The following CEP128 variants were observed in gnomAD, a reference collection of about 807,000 sequenced individuals.
CEP128 encodes the protein centrosomal protein 128kDa.
In CEP128, 132 loss-of-function variants were observed where a neutral mutation model predicts 156.7. The observed-to-expected ratio is 0.84, with a 90% confidence interval of 0.73 to 0.97. The LOEUF is 0.97. CEP128 is among the 50% of genes least tolerant of loss of function. The pLI, the probability that CEP128 is intolerant of heterozygous loss-of-function variation, is 0.00. For missense variants in CEP128, 1,252 were observed against 1,281.9 expected, an observed-to-expected ratio of 0.98 and a Z score of 0.36; for synonymous variants, 469 against 448.9, an observed-to-expected ratio of 1.04 and a Z score of -0.57.
chr14:80,768,505 C>T (rs1900353927), intron 16 of CEP128, among the ~76,000 whole-genome samples: 1 of 152,208 alleles, frequency 6.6e-6, no homozygotes, highest in Non-Finnish European at 1.5e-5. Context: ...GATACACTGT[C>T]TTCCTTCTCC....
At chr14:80,509,944 T>A (rs1888167046) in intron 23 of CEP128, among the ~76,000 whole-genome samples, 1 of 152,122 alleles carries the variant, frequency 6.6e-6, no homozygotes, top group Non-Finnish European at 1.5e-5. Context: ...AATGTACAGA[T>A]TTTTTTCTGG....
chr14:80,649,237 A>C (rs900934842), intron 19 of CEP128, among the ~76,000 whole-genome samples: 2 of 152,078 alleles, frequency 1.3e-5, no homozygotes, highest in African/African-American at 4.8e-5. Flanking sequence ...CTCCAATTTT[A>C]TACCTTCGTC....
Position 80,593,265 on chromosome 14 carries a change from G to A in CEP128, c.2807-12842C>T, listed in dbSNP as rs147649275. 2.8e-3 allele frequency among the ~76,000 whole-genome samples: 421 copies of A among 152,014 alleles called. 3 individuals are homozygous for A. The highest frequency in any genetic ancestry group is 9.7e-3 in the African/African-American group (401 of 41,482). ...TTTATTTAAAAAAAACCCTGTTGTC[G>A]GCCGGGTGAGGTGGCTCACACCTGT... On this transcript the variant is annotated intron_variant, in intron 19 of 24. Transcript: ENST00000555265.
chr14:80,886,838 T>C (rs758755855), intron 8 of CEP128, among the ~76,000 whole-genome samples: 21 of 152,012 alleles, frequency 1.4e-4, no homozygotes, highest in South Asian at 2.1e-4. Flanking sequence ...GACTGGCAAA[T>C]TGGAAAAAGA....
At chr14:80,768,207 GTTAA>G (rs1900336992) in intron 16 of CEP128, among the ~76,000 whole-genome samples, 1 of 152,154 alleles carries the variant, frequency 6.6e-6, no homozygotes, top group Admixed American at 6.5e-5. Flanking sequence ...TGTTGCCACA[GTTAA>G]TTATTTAATT....
Position 80,862,286 on chromosome 14 carries a change from G to T in CEP128, c.762+471C>A, listed in dbSNP as rs550906412. ...GACAATCTATCAATGAATAGGAGTG[G>T]TTGTGCTCCAATAAAACTACTTACA... On this transcript the variant is annotated intron_variant, in intron 9 of 24. Coordinates refer to ENST00000555265, the MANE Select transcript of CEP128 (RefSeq NM_152446.5). Among the ~76,000 whole-genome samples the T allele has an allele frequency of 9.9e-5, 15 of 152,274 alleles. No homozygotes were observed. The South Asian group carries it at 3.1e-3, about 32-fold the overall frequency.
At chr14:80,876,572 G>A (rs1252563812) in intron 8 of CEP128, among the ~76,000 whole-genome samples, 1 of 150,086 alleles carries the variant, frequency 6.7e-6, no homozygotes, top group Non-Finnish European at 1.5e-5. Context: ...ACTCCAGCCT[G>A]GGTGTCAGAG....
At chr14:80,683,154 A>C (rs1896388926) in intron 19 of CEP128, among the ~76,000 whole-genome samples, 1 of 152,182 alleles carries the variant, frequency 6.6e-6, no homozygotes, top group Non-Finnish European at 1.5e-5. Flanking sequence ...AAGTGATCTA[A>C]ATGTCCAACT....
At chr14:80,492,596 A>G (rs1161840052), downstream of CEP128, among the ~76,000 whole-genome samples, 1 of 152,202 alleles carries the variant, frequency 6.6e-6, no homozygotes, top group Non-Finnish European at 1.5e-5. Flanking sequence ...TATCTCAAGG[A>G]CAAAGAGATG....
chr14:80,872,251 C>T (rs1275008077), intron 8 of CEP128, among the ~76,000 whole-genome samples: 2 of 152,046 alleles, frequency 1.3e-5, no homozygotes, highest in Admixed American at 6.6e-5. Context: ...TGGTATAAGG[C>T]CTATGCAATA....
intron 22 of CEP128, among the ~76,000 whole-genome samples, chr14:80,527,667 T>C (rs1889040359): frequency 1.3e-5 from 2 of 152,166 alleles, no homozygotes; most frequent in African/African-American, 4.8e-5. Context: ...CATTGGTACT[T>C]AGCATCAATA....
At chr14:80,545,200 T>C (rs1282758341) in intron 21 of CEP128, among the ~76,000 whole-genome samples, 1 of 152,186 alleles carries the variant, frequency 6.6e-6, no homozygotes, top group Non-Finnish European at 1.5e-5. Flanking sequence ...TCCAGTGCAG[T>C]GCCTATAAGA....
Position 80,640,621 on chromosome 14 carries a change from A to G in CEP128, c.2807-60198T>C, listed in dbSNP as rs73330543. ...CTTTTCTGGTTCTACTTCTTTTACC[A>G]TCCCCTTCAATGTGAATCCTCTCCA... On this transcript the variant is annotated intron_variant, in intron 19 of 24. Transcript: ENST00000555265. 5.3e-3 allele frequency among the ~76,000 whole-genome samples: 812 copies of G among 152,172 alleles called. 4 individuals are homozygous for G. The highest frequency in any genetic ancestry group is 0.018 in the African/African-American group (757 of 41,496).
chr14:80,646,014 C>T (rs776222809), intron 19 of CEP128, among the ~76,000 whole-genome samples: 8 of 151,978 alleles, frequency 5.3e-5, no homozygotes, highest in Admixed American at 2.0e-4. Context: ...AGTATGGAGA[C>T]GGTAAAAAGA....
chr14:80,751,757 G>A (rs1455391319), intron 18 of CEP128, among the ~76,000 whole-genome samples: 1 of 151,632 alleles, frequency 6.6e-6, no homozygotes, highest in African/African-American at 2.4e-5. Flanking sequence ...AGCAACCGAA[G>A]TAGCTGGGAT....
intron 19 of CEP128, among the ~76,000 whole-genome samples, chr14:80,626,967 A>T (rs8018892): frequency 0.94 from 143,525 of 152,248 alleles, 67,682 homozygotes; most frequent in East Asian, 0.99. Context: ...ATACATTTTA[A>T]CCACAGTTGA....
At chr14:80,550,302 A>G (rs1260264936) in intron 21 of CEP128, among the ~76,000 whole-genome samples, 7 of 152,178 alleles carry the variant, frequency 4.6e-5, no homozygotes, top group African/African-American at 1.7e-4. Flanking sequence ...CTCTAAGTCA[A>G]TGGTTTTCAA....
At chr14:80,773,663 G>A (rs941218505) in intron 16 of CEP128, among the ~76,000 whole-genome samples, 6 of 152,066 alleles carry the variant, frequency 3.9e-5, no homozygotes, top group African/African-American at 7.2e-5. Context: ...CTTTAATGCT[G>A]ACTGGCTGAA....
Position 80,877,523 on chromosome 14 carries a change from C to T in CEP128, c.646-14650G>A, listed in dbSNP as rs551433483. Among the ~76,000 whole-genome samples, 115 of 152,312 alleles carry T rather than the reference C, an allele frequency of 7.6e-4. 1 individual carries two copies. Among genetic ancestry groups the T allele is most frequent in the African/African-American group, 2.6e-3 (110 of 41,566 alleles). On this transcript the variant is annotated intron_variant, in intron 8 of 24. Transcript: ENST00000555265. ...CCAACTAAAAGCTCCTAGCACTTTT[C>T]TCCACCACAAGAAAAGGCACACACA... is the stretch of plus-strand genomic sequence containing the variant.
Sources: gnomAD v4.1 joint callset for allele counts (sites outside exome capture counted in the v4.1 genomes callset) on GRCh38, gnomAD v4.1.1 for gene constraint, MANE v1.5 for transcripts, NCBI Gene and HGNC (gene_info 2026-07-23, HGNC 2026-07-21) for gene names.